The following EIF4EBP2 variants were observed in gnomAD, a reference collection of about 807,000 sequenced individuals.
EIF4EBP2 encodes the protein eukaryotic translation initiation factor 4E-binding protein 2.
In EIF4EBP2, 5 loss-of-function variants were observed where a neutral mutation model predicts 10.3. The observed-to-expected ratio is 0.48, with a 90% CI of 0.25 to 1.02. EIF4EBP2 has a LOEUF of 1.02. EIF4EBP2 is among the 50% of genes least tolerant of loss of function. The probability of loss-of-function intolerance (pLI) is 0.15; values close to 1 mark genes in which losing one functional copy is unlikely to be tolerated. For synonymous variants in EIF4EBP2, 67 were observed against 61.1 expected (o/e 1.10, Z -0.45); for missense variants, 188 against 162.2 (o/e 1.16, Z -0.86).
At chr10:70,415,415 A>G (rs911247579) in intron 1 of EIF4EBP2, among the ~76,000 whole-genome samples, 1 of 152,188 alleles carries the variant, frequency 6.6e-6, no homozygotes, top group Admixed American at 6.5e-5. Context: ...TCATAATCTC[A>G]GCTGGCTTCT....
chr10:70,411,393 T>A (rs79198291), intron 1 of EIF4EBP2, among the ~76,000 whole-genome samples: 11,255 of 152,154 alleles, frequency 0.074, 580 homozygotes, highest in South Asian at 0.2. Context: ...TGCTTTTTTT[T>A]TTTATTATTA....
intron 1 of EIF4EBP2, among the ~76,000 whole-genome samples, chr10:70,406,893 G>GTTTA (rs1281693430): frequency 4.6e-5 from 7 of 152,000 alleles, no homozygotes; most frequent in African/African-American, 9.7e-5. Context: ...GGATTTATTT[G>GTTTA]TTTATTTATT....
intron 1 of EIF4EBP2, among the ~76,000 whole-genome samples, chr10:70,407,406 T>C (rs996517582): frequency 1.1e-4 from 16 of 152,136 alleles, no homozygotes; most frequent in African/African-American, 3.9e-4. Context: ...ACACAGCACA[T>C]GTTTCAGAGA....
In EIF4EBP2 at chr10:70,426,735, A is replaced by G. The variant is rs1206239240; in HGVS notation, c.*4988A>G. The G allele has an allele frequency of 6.6e-6, 1 of 152,254 alleles. No homozygotes were observed. The highest frequency in any genetic ancestry group is 1.5e-5 in the Non-Finnish European group (1 of 68,040). 9.4% of individuals were successfully genotyped at this position (152,254 alleles called of 1,614,324 possible). A position where few individuals can be genotyped will look rare whatever the true frequency, so the allele number is the denominator to read the frequency against. The stretch of plus-strand genomic sequence containing the variant: ...TTCCAGAAGTAAAGAACTCATCTTT[A>G]GAGTACCTTTAAATGAATTTTGTTT... On this transcript the variant is annotated 3_prime_UTR_variant, in exon 3 of 3. Coordinates refer to ENST00000373218, the MANE Select transcript of EIF4EBP2 (RefSeq NM_004096.5).
chr10:70,420,508 C>T (rs1845144651), intron 2 of EIF4EBP2, among the ~76,000 whole-genome samples: 1 of 151,866 alleles, frequency 6.6e-6, no homozygotes, highest in African/African-American at 2.4e-5. Context: ...GCCAATTCTT[C>T]AGTTAATAAC....
At position 70,404,368 on chromosome 10, in the gene EIF4EBP2, C is replaced by T; in HGVS notation, c.-34C>T. 6.6e-7 allele frequency: 1 copy of T among 1,517,498 alleles called. No homozygotes were observed. Among genetic ancestry groups the T allele is most frequent in the African/African-American group, 1.5e-5 (1 of 68,960 alleles). The allele number at this position is 1,517,498 out of a possible 1,614,324, so 94.0% of individuals were successfully genotyped here. On this transcript the variant is annotated 5_prime_UTR_variant, in exon 1 of 3. Coordinates refer to ENST00000373218, the MANE Select transcript of EIF4EBP2 (RefSeq NM_004096.5). ...CCCGGCCCCGCCGCCGCCGCCTGCC[C>T]GCCGGACAAAGCCGAGAGCCCGCGC...
At chr10:70,404,747 A>G (rs1309029770) in intron 1 of EIF4EBP2, among the ~76,000 whole-genome samples, 6 of 151,908 alleles carry the variant, frequency 3.9e-5, no homozygotes, top group African/African-American at 1.2e-4. Context: ...CGCGCGCCCC[A>G]CTCGGGAATG....
chr10:70,425,725 T>C lies in EIF4EBP2; in HGVS notation c.*3978T>C, dbSNP rs1845200064. On this transcript the variant is annotated 3_prime_UTR_variant, in exon 3 of 3. Transcript: ENST00000373218. ...ACTTTTATTTTCCTGTAGCTAGGAGTTAGCAAAAGGAACTGGGGCCTTCCA... is the reference window on the plus strand; with the variant it reads ...ACTTTTATTTTCCTGTAGCTAGGAGCTAGCAAAAGGAACTGGGGCCTTCCA... 6.6e-6 allele frequency: 1 copy of C among 152,286 alleles called. No individual in the cohort carries two copies. The highest frequency in any genetic ancestry group is 3.4e-3 in the Middle Eastern group (1 of 294). 9.4% of individuals were successfully genotyped at this position (152,286 alleles called of 1,614,324 possible). A position where few individuals can be genotyped will look rare whatever the true frequency, so the allele number is the denominator to read the frequency against.
chr10:70,427,533 C>T lies in EIF4EBP2; in HGVS notation c.*5786C>T, dbSNP rs1441021252. 1 of 152,126 alleles carries T rather than the reference C, an allele frequency of 6.6e-6. No homozygotes were observed. The highest frequency in any genetic ancestry group is 1.5e-5 in the Non-Finnish European group (1 of 68,026). The allele number at this position is 152,126 out of a possible 1,614,324, so 9.4% of individuals were successfully genotyped here. On this transcript the variant is annotated 3_prime_UTR_variant, in exon 3 of 3. Transcript: ENST00000373218. ...TCAGTCAGTCACTTACATCACCTAG[C>T]CTACTCTCTGGAATTTAAATTTATT...
At chr10:70,416,211 T>C (rs774086621) in intron 1 of EIF4EBP2, among the ~76,000 whole-genome samples, 1 of 152,196 alleles carries the variant, frequency 6.6e-6, no homozygotes, top group Non-Finnish European at 1.5e-5. Context: ...TCTGCTAATG[T>C]TGGCTACAAT....
At position 70,419,945 on chromosome 10, in the gene EIF4EBP2, G is replaced by C. The variant is rs1475278409; in HGVS notation, c.177G>C (p.Leu59=). Residue 59 remains leucine, a synonymous_variant, in exon 2 of 3, where the codon CTG becomes CTC. Coordinates refer to ENST00000373218, the MANE Select transcript of EIF4EBP2 (RefSeq NM_004096.5). ...GAATCATTTATGACAGAAAGTTTCTGTTGGATCGTCGCAATTCTCCCATGG... is the reference window on the plus strand; with the variant it reads ...GAATCATTTATGACAGAAAGTTTCTCTTGGATCGTCGCAATTCTCCCATGG... ...GTRIIYDRKF[L]LDRRNSPMAQ... The C allele has an allele frequency of 5.7e-6, 9 of 1,592,454 alleles. No individual in the cohort carries two copies. In the African/African-American group the frequency reaches 1.1e-4, roughly 19 times the overall value.
chr10:70,404,729 C>G (rs1156409161), intron 1 of EIF4EBP2, among the ~76,000 whole-genome samples, 183 bp downstream of exon 1: 1 of 152,194 alleles, frequency 6.6e-6, no homozygotes, highest in Non-Finnish European at 1.5e-5. Context: ...GCCCGCAGCT[C>G]GAGTCGGCGC....
chr10:70,415,158 GAAAA>G (rs377725171), intron 1 of EIF4EBP2, among the ~76,000 whole-genome samples: 5 of 107,476 alleles, frequency 4.7e-5, no homozygotes, highest in African/African-American at 1.0e-4. Context: ...ACCCTCTCTC[GAAAA>G]AAAAAAAAAA....
intron 1 of EIF4EBP2, among the ~76,000 whole-genome samples, chr10:70,417,785 T>G (rs1179993814): frequency 6.6e-6 from 1 of 152,186 alleles, no homozygotes; most frequent in Non-Finnish European, 1.5e-5. Context: ...CATCTGACAG[T>G]GAAACCTCAC....
At chr10:70,417,776 A>G (rs2137230404) in intron 1 of EIF4EBP2, among the ~76,000 whole-genome samples, 1 of 152,338 alleles carries the variant, frequency 6.6e-6, no homozygotes, top group Non-Finnish European at 1.5e-5. Flanking sequence ...AAGTTGACTC[A>G]TCTGACAGTG....
Position 70,423,941 on chromosome 10 carries a change from T to G in EIF4EBP2, c.*2194T>G, listed in dbSNP as rs1871596. The stretch of plus-strand genomic sequence containing the variant: ...ATATTCTTGGAAAAACCTAAGTTGC[T>G]CTGTAATTTACATAAGAAGCATGCT... On this transcript the variant is annotated 3_prime_UTR_variant, in exon 3 of 3. Coordinates refer to ENST00000373218, the MANE Select transcript of EIF4EBP2 (RefSeq NM_004096.5). 147,974 of 152,324 alleles carry G rather than the reference T, an allele frequency of 0.97. 72,033 individuals carry two copies. The highest frequency in any genetic ancestry group is 1 in the Non-Finnish European group (68,022 of 68,038). The allele number at this position is 152,324 out of a possible 1,614,324, so 9.4% of individuals were successfully genotyped here. A position where few individuals can be genotyped will look rare whatever the true frequency, so the allele number is the denominator to read the frequency against.
At chr10:70,420,757 A>G (rs1301067462) in intron 2 of EIF4EBP2, among the ~76,000 whole-genome samples, 3 of 152,010 alleles carry the variant, frequency 2.0e-5, no homozygotes, top group Admixed American at 2.0e-4. Context: ...CATAGCCCCC[A>G]TTTCCATCAC....
intron 1 of EIF4EBP2, among the ~76,000 whole-genome samples, chr10:70,407,947 T>A (rs1327853326): frequency 1.5e-5 from 1 of 65,336 alleles, no homozygotes; most frequent in Non-Finnish European, 3.0e-5. Context: ...GAGGCGCCCC[T>A]CACCTCCTGG....
At chr10:70,404,692 G>A in intron 1 of EIF4EBP2, 146 bp downstream of exon 1, 1 of 1,124,082 alleles carries the variant, frequency 8.9e-7, no homozygotes, top group Non-Finnish European at 1.2e-6. Context: ...CCGAGCGTTC[G>A]GGACCCTTTA....
Sources: allele counts gnomAD v4.1 joint callset (sites outside exome capture counted in the v4.1 genomes callset), GRCh38; gene constraint gnomAD v4.1.1; transcripts MANE v1.5; gene names NCBI Gene and HGNC (gene_info 2026-07-23, HGNC 2026-07-21).